Variants in BMP5 observed in about 807,000 individuals in gnomAD.
BMP5 encodes bone morphogenetic protein 5.
BMP5 carries 23 observed loss-of-function variants against 46.6 expected under a neutral mutation model. The ratio of observed to expected loss-of-function variants is 0.49; its 90% CI spans 0.35 to 0.70. BMP5 has a LOEUF of 0.70. BMP5 is among the 30% of genes least tolerant of loss of function. The pLI, the probability that BMP5 is intolerant of heterozygous loss-of-function variation, is 0.00. For synonymous variants in BMP5, 204 were observed against 191.9 expected (o/e 1.06, Z -0.52); for missense variants, 545 against 565.6 (o/e 0.96, Z 0.37).
chr6:55,764,397 C>T (rs960893762), intron 4 of BMP5, among the ~76,000 whole-genome samples: 3 of 151,962 alleles, frequency 2.0e-5, no homozygotes, highest in African/African-American at 4.8e-5. Flanking sequence ...CACGGTGAAA[C>T]CCCGTCTCTA....
intron 1 of BMP5, among the ~76,000 whole-genome samples, chr6:55,838,100 A>T (rs895228831): frequency 3.3e-5 from 5 of 152,194 alleles, no homozygotes; most frequent in Admixed American, 2.0e-4. Flanking sequence ...TAGCTATTGT[A>T]AACAGTGCTT....
chr6:55,774,107 AT>A lies in BMP5; in HGVS notation c.968del (p.Asn323IlefsTer38). The A allele has an allele frequency of 6.2e-7, 1 of 1,612,814 alleles. No homozygotes were observed. The highest frequency in any genetic ancestry group is 8.5e-7 in the Non-Finnish European group (1 of 1,179,368). On this transcript the variant is annotated frameshift_variant, in exon 4 of 7. Coordinates refer to ENST00000370830, the MANE Select transcript of BMP5 (RefSeq NM_021073.4). LOFTEE classifies it high-confidence loss of function. ...RSVRAANKRK[N>X]QNRNKSSSHQ... ...GAGAGCTGGATTTATTGCGGTTTTG[AT>A]TTTTTCGTTTGTTGGCTGCTCTCAC...
At chr6:55,785,306 T>C (rs1426050031) in intron 3 of BMP5, among the ~76,000 whole-genome samples, 2 of 151,830 alleles carry the variant, frequency 1.3e-5, no homozygotes, top group Non-Finnish European at 2.9e-5. Context: ...GGAGTATATT[T>C]TATGAAAATT....
At chr6:55,871,524 ATT>A (rs1035680240) in intron 1 of BMP5, among the ~76,000 whole-genome samples, 2 of 151,800 alleles carry the variant, frequency 1.3e-5, no homozygotes, top group Non-Finnish European at 3.0e-5. Flanking sequence ...TAGGCAATTT[ATT>A]TACTTTTTAT....
intron 6 of BMP5, among the ~76,000 whole-genome samples, chr6:55,756,806 T>C (rs1445982423): frequency 2.0e-5 from 3 of 152,030 alleles, no homozygotes; most frequent in Admixed American, 6.6e-5. Context: ...ATCAGCTTTA[T>C]CTTCCATAAC....
Position 55,860,993 on chromosome 6 carries a change from T to C in BMP5, c.490+13383A>G, listed in dbSNP as rs544417854. 5.3e-5 allele frequency among the ~76,000 whole-genome samples: 8 copies of C among 152,320 alleles called. No individual in the cohort carries two copies. In the East Asian group the frequency reaches 1.4e-3, roughly 26 times the overall value. On this transcript the variant is annotated intron_variant, in intron 1 of 6. Coordinates refer to ENST00000370830, the MANE Select transcript of BMP5 (RefSeq NM_021073.4). ...CAATGAGTGAGCTATGGAAAGAAACTCACTTTACACATGCAAGAGATTAGG... is the reference window on the plus strand; with the variant it reads ...CAATGAGTGAGCTATGGAAAGAAACCCACTTTACACATGCAAGAGATTAGG...
At chr6:55,839,348 G>T (rs982115639) in intron 1 of BMP5, among the ~76,000 whole-genome samples, 2 of 151,054 alleles carry the variant, frequency 1.3e-5, no homozygotes, top group South Asian at 2.1e-4. Flanking sequence ...TTCAAGGCAG[G>T]ATCTCACTCT....
intron 2 of BMP5, among the ~76,000 whole-genome samples, chr6:55,803,330 A>G (rs1031803913): frequency 1.3e-5 from 2 of 151,942 alleles, no homozygotes; most frequent in African/African-American, 4.8e-5. Flanking sequence ...AAAAAACAGG[A>G]AGAAGTTATG....
At chr6:55,858,017 C>T (rs1777440598) in intron 1 of BMP5, among the ~76,000 whole-genome samples, 1 of 152,212 alleles carries the variant, frequency 6.6e-6, no homozygotes, top group South Asian at 2.1e-4. Context: ...GGATGACAGG[C>T]ATGCACCACC....
At chr6:55,799,067 G>A (rs770803150) in intron 2 of BMP5, among the ~76,000 whole-genome samples, 13 of 152,114 alleles carry the variant, frequency 8.5e-5, no homozygotes, top group Non-Finnish European at 1.5e-4. Flanking sequence ...TCAATCTAGT[G>A]CTATAAAGAT....
At chr6:55,758,442 T>G (rs889610748) in intron 6 of BMP5, among the ~76,000 whole-genome samples, 1 of 151,902 alleles carries the variant, frequency 6.6e-6, no homozygotes, top group Admixed American at 6.6e-5. Context: ...TATTAGAGAT[T>G]TAATCACTGC....
At chr6:55,857,861 C>T (rs1451424291) in intron 1 of BMP5, among the ~76,000 whole-genome samples, 1 of 152,192 alleles carries the variant, frequency 6.6e-6, no homozygotes, top group Non-Finnish European at 1.5e-5. Flanking sequence ...GCCTCAGCCT[C>T]CCAAGAGCTG....
intron 4 of BMP5, among the ~76,000 whole-genome samples, chr6:55,762,862 C>A (rs1335144868): frequency 6.6e-6 from 1 of 151,954 alleles, no homozygotes; most frequent in Admixed American, 6.6e-5. Flanking sequence ...GGTCTCCTTG[C>A]AACTACTCGA....
intron 1 of BMP5, among the ~76,000 whole-genome samples, chr6:55,867,351 C>T (rs1471341355): frequency 6.6e-6 from 1 of 152,086 alleles, no homozygotes; most frequent in South Asian, 2.1e-4. Context: ...TGAAGGCTAC[C>T]CTGCCATCCC....
Position 55,874,911 on chromosome 6 carries a change from C to T in BMP5, c.-46G>A. The T allele has an allele frequency of 2.0e-6, 3 of 1,534,838 alleles. No individual in the cohort carries two copies. The Admixed American group carries it at 6.2e-5, about 32-fold the overall frequency. ...TGATATTTTTAGTCCTTCTTGTCCT[C>T]TTAAAAAAAAAAAAAACCTAAGGTT... On this transcript the variant is annotated 5_prime_UTR_variant, in exon 1 of 7. Coordinates refer to ENST00000370830, the MANE Select transcript of BMP5 (RefSeq NM_021073.4).
intron 1 of BMP5, among the ~76,000 whole-genome samples, chr6:55,826,226 T>A (rs1776528129): frequency 5.9e-5 from 9 of 151,738 alleles, no homozygotes; most frequent in Admixed American, 5.9e-4. Flanking sequence ...GTGACCTGAA[T>A]GAAAGAAAAT....
chr6:55,827,366 A>T (rs1031060466), intron 1 of BMP5, among the ~76,000 whole-genome samples: 2 of 151,562 alleles, frequency 1.3e-5, no homozygotes, highest in Non-Finnish European at 3.0e-5. Context: ...TGGTTTTTTT[A>T]AAAATGTTTG....
chr6:55,809,384 A>G (rs907814885), intron 2 of BMP5, among the ~76,000 whole-genome samples: 2 of 152,186 alleles, frequency 1.3e-5, no homozygotes, highest in Non-Finnish European at 2.9e-5. Flanking sequence ...AACTTTGGAA[A>G]TAGAAATTTA....
chr6:55,860,159 C>G (rs1777496725), intron 1 of BMP5, among the ~76,000 whole-genome samples: 1 of 152,136 alleles, frequency 6.6e-6, no homozygotes, highest in Non-Finnish European at 1.5e-5. Context: ...CCTGTAGTCC[C>G]AGGTGCTTGG....
Sources: gnomAD v4.1 joint callset for allele counts (sites outside exome capture counted in the v4.1 genomes callset) on GRCh38, gnomAD v4.1.1 for gene constraint, MANE v1.5 for transcripts, NCBI Gene and HGNC (gene_info 2026-07-23, HGNC 2026-07-21) for gene names.